TENM1: variants seen among roughly 807,000 people sequenced by gnomAD.
TENM1 encodes the protein teneurin-1.
TENM1 carries 35 observed loss-of-function variants against 174.8 expected under a neutral mutation model. The observed-to-expected ratio is 0.20, with a 90% CI of 0.15 to 0.27. The LOEUF (loss-of-function observed/expected upper bound fraction) is 0.27. Among genes scored for constraint, TENM1 ranks in the 10% least tolerant of loss-of-function variants. The pLI is 1.00. For missense variants in TENM1, 1,633 were observed against 2,130.1 expected, an observed-to-expected ratio of 0.77 and a Z score of 4.59; for synonymous variants, 781 against 798.7, an observed-to-expected ratio of 0.98 and a Z score of 0.37.
the TENM1 span, among the ~76,000 whole-genome samples, chrX:125,044,379 G>C: frequency 9.2e-6 from 1 of 109,161 alleles, no homozygotes; most frequent in East Asian, 2.9e-4. Context: ...CTTGGGTCCA[G>C]GAATTTGAGA....
At chrX:124,905,507 A>G (rs1011924430) in intron 1 of TENM1, among the ~76,000 whole-genome samples, 6 of 111,801 alleles carry the variant, frequency 5.4e-5, no homozygotes, top group African/African-American at 2.0e-4. Flanking sequence ...GACAACAACG[A>G]AAGCCACACA....
intron 4 of TENM1, among the ~76,000 whole-genome samples, chrX:124,725,857 G>C (rs1229339769): frequency 8.9e-6 from 1 of 112,221 alleles, no homozygotes; most frequent in Non-Finnish European, 1.9e-5. Flanking sequence ...TAGTAAAATA[G>C]ACAAGTATCT....
At chrX:124,710,780 T>C (rs13441089) in intron 4 of TENM1, among the ~76,000 whole-genome samples, 2,487 of 112,333 alleles carry the variant, frequency 0.022, 35 homozygotes, top group African/African-American at 0.039. Flanking sequence ...TAAGATTCTA[T>C]GCTGAAAGTG....
intron 11 of TENM1, among the ~76,000 whole-genome samples, chrX:124,590,924 G>A (rs1333314461): frequency 8.9e-6 from 1 of 112,254 alleles, no homozygotes; most frequent in Non-Finnish European, 1.9e-5. Flanking sequence ...CCAATGTTGG[G>A]TGTGTGTATA....
chrX:125,051,500 A>T, the TENM1 span, among the ~76,000 whole-genome samples: 2 of 111,242 alleles, frequency 1.8e-5, no homozygotes, highest in Non-Finnish European at 3.8e-5. Context: ...ACAGAGATAT[A>T]GACCAATGGA....
intron 30 of TENM1, 41 bp from the exon 34 acceptor site, chrX:124,382,853 A>G (rs764119889): frequency 1.2e-5 from 13 of 1,116,230 alleles, no homozygotes; most frequent in Non-Finnish European, 1.4e-5. Context: ...GAAAAATCCC[A>G]TACTTTATAA....
chrX:124,454,355 C>A (rs958091312), intron 22 of TENM1, among the ~76,000 whole-genome samples: 3 of 104,801 alleles, frequency 2.9e-5, no homozygotes, highest in Non-Finnish European at 5.8e-5. Flanking sequence ...TAGGACCATC[C>A]TTGACAAACC....
chrX:125,108,347 AAC>A, the TENM1 span, among the ~76,000 whole-genome samples: 1 of 111,952 alleles, frequency 8.9e-6, no homozygotes, highest in South Asian at 3.7e-4. Context: ...GGTGATTTTG[AAC>A]ACTTATTTAA....
the TENM1 span, among the ~76,000 whole-genome samples, chrX:124,980,589 T>TA: frequency 2.2e-4 from 25 of 111,441 alleles, no homozygotes; most frequent in African/African-American, 6.8e-4. Context: ...CAATTTTAAA[T>TA]AAAAAATATG....
intron 6 of TENM1, among the ~76,000 whole-genome samples, chrX:124,656,295 A>G (rs760660697): frequency 8.9e-6 from 1 of 112,633 alleles, no homozygotes; most frequent in African/African-American, 3.2e-5. Context: ...TAATGAAGCT[A>G]CTTAAATGTT....
At chrX:124,424,200 G>A (rs2060685332) in intron 23 of TENM1, among the ~76,000 whole-genome samples, 1 of 111,519 alleles carries the variant, frequency 9.0e-6, no homozygotes, top group Admixed American at 9.5e-5. Context: ...AATATATCAG[G>A]TGCTCTGGTT....
the TENM1 span, among the ~76,000 whole-genome samples, chrX:125,027,210 G>C: frequency 8.9e-6 from 1 of 111,810 alleles, no homozygotes; most frequent in Admixed American, 9.5e-5. Flanking sequence ...GTTTAGCAAG[G>C]TTTCTGGAAA....
chrX:124,460,710 C>T (rs993539392), intron 22 of TENM1, among the ~76,000 whole-genome samples: 4 of 102,724 alleles, frequency 3.9e-5, no homozygotes, highest in Non-Finnish European at 7.9e-5. Context: ...TAAACCTGTA[C>T]ATGTACCCCT....
chrX:124,961,998 G>GA (rs2058660982), intron 1 of TENM1, among the ~76,000 whole-genome samples: 1 of 111,698 alleles, frequency 9.0e-6, no homozygotes, highest in Non-Finnish European at 1.9e-5. Flanking sequence ...GCTGGATGAG[G>GA]AAACTGATTA....
At chrX:124,754,357 G>A (rs1271123220) in intron 3 of TENM1, among the ~76,000 whole-genome samples, 25 of 111,219 alleles carry the variant, frequency 2.2e-4, no homozygotes, top group South Asian at 3.8e-4. Context: ...TTTTTATTGC[G>A]TCTATTTGAT....
intron 21 of TENM1, among the ~76,000 whole-genome samples, chrX:124,483,600 C>G (rs140447391): frequency 1.2e-4 from 14 of 112,669 alleles, no homozygotes; most frequent in Non-Finnish European, 1.9e-4. Flanking sequence ...AAGGCCTCAT[C>G]ATCTCTCATC....
the TENM1 span, among the ~76,000 whole-genome samples, chrX:125,048,040 T>C: frequency 9.0e-6 from 1 of 111,006 alleles, no homozygotes; most frequent in African/African-American, 3.3e-5. Flanking sequence ...GTCCCAATTT[T>C]AAAGGCAAAG....
intron 1 of TENM1, among the ~76,000 whole-genome samples, chrX:124,958,362 T>G (rs2058608244): frequency 1.8e-5 from 2 of 111,613 alleles, no homozygotes; most frequent in Admixed American, 1.9e-4. Context: ...AAACATTAAC[T>G]TCCCTAAAAA....
At chrX:124,767,396 T>C (rs1360139213) in intron 3 of TENM1, among the ~76,000 whole-genome samples, 1 of 111,733 alleles carries the variant, frequency 8.9e-6, no homozygotes, top group Non-Finnish European at 1.9e-5. Context: ...CATTTTTGAA[T>C]CTTGGTGCCC....
Sources: gnomAD v4.1 joint callset for allele counts (sites outside exome capture counted in the v4.1 genomes callset) on GRCh38, gnomAD v4.1.1 for gene constraint, MANE v1.5 for transcripts, NCBI Gene and HGNC (gene_info 2026-07-23, HGNC 2026-07-21) for gene names.